CCNY: variants seen among roughly 807,000 people sequenced by gnomAD.
CCNY encodes cyclin Y.
A neutral mutation model predicts 42.8 loss-of-function variants in CCNY; 19 were observed. The observed-to-expected ratio is 0.44, with a 90% CI of 0.31 to 0.65. The LOEUF (loss-of-function observed/expected upper bound fraction) is 0.65, where lower values mean the gene tolerates loss of function less well. Among genes scored for constraint, CCNY ranks in the 30% least tolerant of loss-of-function variants. The pLI is 0.07. For missense variants in CCNY, 370 were observed against 437.3 expected, an observed-to-expected ratio of 0.85 and a Z score of 1.37; for synonymous variants, 165 against 162.7, an observed-to-expected ratio of 1.01 and a Z score of -0.11.
chr10:35,264,071 A>G (rs1291922333), intron 3 of CCNY, among the ~76,000 whole-genome samples: 1 of 152,140 alleles, frequency 6.6e-6, no homozygotes, highest in Non-Finnish European at 1.5e-5. Context: ...TTCTTTATCC[A>G]GTCTATCACT....
At chr10:35,332,260 G>A (rs1220603370), upstream of CCNY, 3 of 152,198 alleles carry the variant, frequency 2.0e-5, no homozygotes, top group African/African-American at 7.2e-5. Context: ...GCCATACTCT[G>A]AGGAGACACT....
intron 1 of CCNY, among the ~76,000 whole-genome samples, chr10:35,452,936 A>G (rs1838950721): frequency 6.6e-6 from 1 of 152,200 alleles, no homozygotes. Flanking sequence ...AATTTGTATG[A>G]CATATAATTG....
chr10:35,407,846 T>C (rs565373259), intron 1 of CCNY, among the ~76,000 whole-genome samples: 2 of 152,088 alleles, frequency 1.3e-5, no homozygotes, highest in African/African-American at 2.4e-5. Flanking sequence ...ACCAAGGGAA[T>C]GTGGATGAAT....
chr10:35,337,229 C>T (rs1160213166), intron 1 of CCNY, 22 bp downstream of exon 1: 2 of 1,488,546 alleles, frequency 1.3e-6, no homozygotes, highest in Non-Finnish European at 1.8e-6. Flanking sequence ...CCGCCGAGCC[C>T]CCTACCCGCC....
Position 35,494,235 on chromosome 10 carries a change from C to CCG in CCNY, c.230-7265_230-7264insGC, listed in dbSNP as rs1018192106. 1.2e-3 allele frequency among the ~76,000 whole-genome samples: 4 copies of CCG among 3,242 alleles called. No homozygotes were observed. The Non-Finnish European group carries it at 0.015, about 12-fold the overall frequency. The allele number at this position is 3,242 out of a possible 152,430, so 2.1% of individuals were successfully genotyped here. A position where few individuals can be genotyped will look rare whatever the true frequency, so the allele number is the denominator to read the frequency against. ...GACCAGCCTGGACAGCATAGTGAGA[C>CCG]CCCCCCCCCCATTTCTACAAAAAAA... is the stretch of plus-strand genomic sequence containing the variant. On this transcript the variant is annotated intron_variant, in intron 2 of 9. Coordinates refer to ENST00000374704, the MANE Select transcript of CCNY (RefSeq NM_145012.6).
intron 1 of CCNY, among the ~76,000 whole-genome samples, chr10:35,478,791 G>C (rs1459300751): frequency 6.6e-6 from 1 of 152,116 alleles, no homozygotes; most frequent in Non-Finnish European, 1.5e-5. Flanking sequence ...TGACAAATGG[G>C]ATCTAATTAA....
chr10:35,446,970 A>G (rs1164475039), intron 1 of CCNY, among the ~76,000 whole-genome samples: 1 of 152,226 alleles, frequency 6.6e-6, no homozygotes. Flanking sequence ...TATAGTTACC[A>G]TGTAGGTTAA....
chr10:35,526,326 T>C (rs1840652276), intron 5 of CCNY, among the ~76,000 whole-genome samples: 1 of 152,232 alleles, frequency 6.6e-6, no homozygotes, highest in Non-Finnish European at 1.5e-5. Flanking sequence ...AAAAGTTCAC[T>C]GGGTGCAACT....
At chr10:35,550,174 C>G (rs1841220362) in intron 7 of CCNY, among the ~76,000 whole-genome samples, 1 of 139,174 alleles carries the variant, frequency 7.2e-6, no homozygotes, top group African/African-American at 2.8e-5. Flanking sequence ...GCTCGTGACC[C>G]TGCGCTGCTC....
chr10:35,503,881 G>T (rs887351677), intron 3 of CCNY, among the ~76,000 whole-genome samples: 5 of 152,212 alleles, frequency 3.3e-5, no homozygotes, highest in Non-Finnish European at 7.3e-5. Flanking sequence ...CCATGTGACA[G>T]AGGTTGTTTA....
chr10:35,264,724 G>A (rs768808664), intron 3 of CCNY, among the ~76,000 whole-genome samples: 11 of 151,834 alleles, frequency 7.2e-5, no homozygotes, highest in African/African-American at 1.2e-4. Flanking sequence ...GCGTGATCTC[G>A]GGTCACTGCA....
At chr10:35,281,446 C>T (rs1206850663) in intron 3 of CCNY, among the ~76,000 whole-genome samples, 2 of 151,940 alleles carry the variant, frequency 1.3e-5, no homozygotes, top group Non-Finnish European at 2.9e-5. Flanking sequence ...ATTACAGGCA[C>T]CTGCCACCGT....
rs940279424 is a variant in CCNY at position 35,319,709 on chromosome 10, A to G, written c.-9+69083A>G. Reference sequence around the variant, plus strand: ...GCCAACATAGTGAAACCCCGTCTCTACTAAAAATACAAAAAATTATCCTCA... The same window carrying G: ...GCCAACATAGTGAAACCCCGTCTCTGCTAAAAATACAAAAAATTATCCTCA... On this transcript the variant is annotated intron_variant, in intron 3 of 11. Transcript: ENST00000374706. 1.0e-3 allele frequency among the ~76,000 whole-genome samples: 157 copies of G among 152,206 alleles called. 2 individuals are homozygous for G. The highest frequency in any genetic ancestry group is 1.6e-4 in the Non-Finnish European group (11 of 68,000).
At chr10:35,520,453 C>A (rs112787704) in intron 4 of CCNY, among the ~76,000 whole-genome samples, 4,797 of 152,194 alleles carry the variant, frequency 0.032, 240 homozygotes, top group African/African-American at 0.11. Context: ...ATAACACAAT[C>A]ATTAATATTG....
upstream of CCNY, among the ~76,000 whole-genome samples, chr10:35,335,600 T>A (rs1836004735): frequency 6.6e-6 from 1 of 151,708 alleles, no homozygotes. Flanking sequence ...CTCATGCCCG[T>A]AATCCCATGG....
chr10:35,466,396 A>C (rs1839270263), intron 1 of CCNY, among the ~76,000 whole-genome samples: 1 of 152,222 alleles, frequency 6.6e-6, no homozygotes, highest in Non-Finnish European at 1.5e-5. Context: ...GCTGGAGCAG[A>C]AAGTGTGCGG....
At chr10:35,391,278 A>G (rs2135210825) in intron 1 of CCNY, among the ~76,000 whole-genome samples, 1 of 152,294 alleles carries the variant, frequency 6.6e-6, no homozygotes, top group South Asian at 2.1e-4. Flanking sequence ...AGTTTAAGCC[A>G]ATTCTGATTG....
At chr10:35,564,726 G>A (rs1321323056) in intron 8 of CCNY, among the ~76,000 whole-genome samples, 1 of 152,184 alleles carries the variant, frequency 6.6e-6, no homozygotes, top group Non-Finnish European at 1.5e-5. Flanking sequence ...GCAGGTTGGA[G>A]GGGACCCACT....
At chr10:35,392,470 C>G (rs1168238094) in intron 1 of CCNY, among the ~76,000 whole-genome samples, 1 of 152,172 alleles carries the variant, frequency 6.6e-6, no homozygotes, top group Non-Finnish European at 1.5e-5. Flanking sequence ...GTCCCGTGGA[C>G]TCATTGAGGA....
Sources: gnomAD v4.1 joint callset for allele counts (sites outside exome capture counted in the v4.1 genomes callset) on GRCh38, gnomAD v4.1.1 for gene constraint, MANE v1.5 for transcripts, NCBI Gene and HGNC (gene_info 2026-07-23, HGNC 2026-07-21) for gene names.